The following GIPC2 variants were observed in gnomAD, a reference collection of about 807,000 sequenced individuals.
GIPC2 encodes the protein PDZ domain-containing protein GIPC2.
GIPC2 carries 30 observed loss-of-function variants against 30.6 expected under a neutral mutation model. That is an observed-to-expected ratio of 0.98 (90% CI 0.73 to 1.33). The LOEUF (loss-of-function observed/expected upper bound fraction) is 1.33. GIPC2 is among the 40% of genes most tolerant of loss of function. The pLI, the probability that GIPC2 is intolerant of heterozygous loss-of-function variation, is 0.00. For synonymous variants in GIPC2, 167 were observed against 150.0 expected (o/e 1.11, Z -0.83); for missense variants, 414 against 390.3 (o/e 1.06, Z -0.51).
chr1:78,085,039 G>A (rs933158743), intron 2 of GIPC2, among the ~76,000 whole-genome samples: 1 of 152,054 alleles, frequency 6.6e-6, no homozygotes, highest in African/African-American at 2.4e-5. Flanking sequence ...AATGCTTCTG[G>A]CTTTTTTCCA....
chr1:78,095,277 A>T (rs1397710672), intron 3 of GIPC2, 145 bp downstream of exon 3: 7 of 573,988 alleles, frequency 1.2e-5, no homozygotes, highest in Non-Finnish European at 2.2e-5. Context: ...AGAAAATGGT[A>T]GCACTACTTA....
chr1:78,096,833 G>A (rs902135153), intron 3 of GIPC2, among the ~76,000 whole-genome samples: 1 of 152,198 alleles, frequency 6.6e-6, no homozygotes, highest in African/African-American at 2.4e-5. Flanking sequence ...CTGTTGGTTA[G>A]AACATCCAGA....
intron 1 of GIPC2, among the ~76,000 whole-genome samples, chr1:78,064,593 A>G (rs531526683): frequency 2.0e-5 from 3 of 152,160 alleles, no homozygotes; most frequent in Non-Finnish European, 4.4e-5. Flanking sequence ...GGGATGGGAA[A>G]CAATAAGAGG....
At chr1:78,134,344 A>ATGTG (rs3057093) in intron 5 of GIPC2, among the ~76,000 whole-genome samples, 19 of 148,676 alleles carry the variant, frequency 1.3e-4, no homozygotes, top group African/African-American at 3.2e-4. Context: ...GTGTGTATGT[A>ATGTG]TGTGTGTGTG....
chr1:78,095,413 C>T (rs1437639603), intron 3 of GIPC2, among the ~76,000 whole-genome samples: 1 of 152,174 alleles, frequency 6.6e-6, no homozygotes, highest in Admixed American at 6.5e-5. Flanking sequence ...CTGTTCCTAT[C>T]TCTGAGAACA....
chr1:78,045,457 G>A (rs1328210350), upstream of GIPC2: 15 of 546,200 alleles, frequency 2.7e-5, no homozygotes, highest in Non-Finnish European at 3.5e-5. Flanking sequence ...CTTTGGAGGC[G>A]TGCTGAATGT....
rs1252418060 is a variant in GIPC2 at position 78,123,572 on chromosome 1, T to C, written c.715-2309T>C. ...AAATCCCTTGGTTCCAGGGTATGGG[T>C]TGTTGAGCAGCTTGGATTTGAGAGG... On this transcript the variant is annotated intron_variant, in intron 4 of 5. Coordinates refer to ENST00000370759, the MANE Select transcript of GIPC2 (RefSeq NM_017655.6). Among the ~76,000 whole-genome samples the C allele has an allele frequency of 3.9e-5, 6 of 152,214 alleles. No homozygotes were observed. The East Asian group carries it at 5.8e-4, about 15-fold the overall frequency.
rs1478701492 is a variant in GIPC2, at chr1:78,046,231, C to A, written c.137C>A (p.Ala46Glu). 5 of 1,606,022 alleles carry A rather than the reference C, an allele frequency of 3.1e-6. No homozygotes were observed. The highest frequency in any genetic ancestry group is 3.4e-5 in the Admixed American group (2 of 59,418). ...RAPARRLVFHAQLAHGSATGR... is the reference protein window; with the variant it reads ...RAPARRLVFHEQLAHGSATGR... ...CCCGCACGCAGGCTGGTCTTCCACG[C>A]GCAGCTGGCGCACGGTAGTGCCACG... Residue 46 changes from alanine to glutamate, a missense_variant, in exon 1 of 6, where the codon GCG becomes GAG. Physicochemically the swap from Ala to Glu is moderately radical, Grantham distance 107. Transcript: ENST00000370759.
At chr1:78,064,824 A>G (rs1470880307) in intron 1 of GIPC2, among the ~76,000 whole-genome samples, 3 of 149,400 alleles carry the variant, frequency 2.0e-5, no homozygotes, top group Non-Finnish European at 4.4e-5. Flanking sequence ...GCTCACTGCA[A>G]TCTCTGCCTC....
upstream of GIPC2, chr1:78,045,875 T>C: frequency 1.5e-6 from 2 of 1,323,594 alleles, no homozygotes; most frequent in South Asian, 2.2e-5. Flanking sequence ...CGTAACTTTC[T>C]TTCTCTCCAG....
chr1:78,124,653 C>G (rs756626955), intron 4 of GIPC2, among the ~76,000 whole-genome samples: 5 of 152,148 alleles, frequency 3.3e-5, no homozygotes, highest in African/African-American at 4.8e-5. Flanking sequence ...TAGACTTTGC[C>G]TATCTATTGC....
At chr1:78,060,863 A>T (rs1661379206) in intron 1 of GIPC2, among the ~76,000 whole-genome samples, 1 of 151,622 alleles carries the variant, frequency 6.6e-6, no homozygotes, top group Admixed American at 6.6e-5. Context: ...ATAAACATTC[A>T]TATCTGTGTG....
intron 1 of GIPC2, among the ~76,000 whole-genome samples, chr1:78,051,955 A>C (rs958388873): frequency 6.6e-6 from 1 of 152,070 alleles, no homozygotes; most frequent in African/African-American, 2.4e-5. Flanking sequence ...TCTGAGATAC[A>C]ATTTGTATCT....
At chr1:78,045,922 C>T, upstream of GIPC2, 1 of 1,343,536 alleles carries the variant, frequency 7.4e-7, no homozygotes, top group Middle Eastern at 2.8e-4. Flanking sequence ...CGGGCGGCTG[C>T]TCCGGTCCAG....
At chr1:78,075,479 G>T (rs938622587) in intron 1 of GIPC2, among the ~76,000 whole-genome samples, 2 of 152,072 alleles carry the variant, frequency 1.3e-5, no homozygotes, top group Non-Finnish European at 2.9e-5. Flanking sequence ...GGTAGAGTGG[G>T]CTCCAAATTG....
intron 5 of GIPC2, among the ~76,000 whole-genome samples, chr1:78,128,812 C>G (rs1025943401): frequency 2.0e-5 from 3 of 151,894 alleles, no homozygotes; most frequent in Admixed American, 2.0e-4. Context: ...TGAGATGAGA[C>G]CCTGTCTCTA....
intron 1 of GIPC2, among the ~76,000 whole-genome samples, chr1:78,075,802 G>A (rs931123541): frequency 1.3e-5 from 2 of 152,298 alleles, no homozygotes; most frequent in East Asian, 1.9e-4. Context: ...CTGGAATAGG[G>A]GGATGTGAGT....
chr1:78,076,833 A>G (rs1330640961), intron 1 of GIPC2, among the ~76,000 whole-genome samples: 10 of 152,160 alleles, frequency 6.6e-5, no homozygotes, highest in East Asian at 3.8e-4. Context: ...CAGTGGTGCA[A>G]TCTCGGCTCA....
chr1:78,106,711 G>T lies in GIPC2; in HGVS notation c.607+11579G>T, dbSNP rs145072972. Among the ~76,000 whole-genome samples, 450 of 152,210 alleles carry T rather than the reference G, an allele frequency of 3.0e-3. 1 individual carries two copies. Among genetic ancestry groups the T allele is most frequent in the African/African-American group, 0.01 (435 of 41,536 alleles). ...ATTTATTTATTTGAGACAGAGTTTC[G>T]TTCTTGTTGCCCAGGGTGGAGTGTG... On this transcript the variant is annotated intron_variant, in intron 3 of 5. Coordinates refer to ENST00000370759, the MANE Select transcript of GIPC2 (RefSeq NM_017655.6).
Sources: gnomAD v4.1 joint callset for allele counts (sites outside exome capture counted in the v4.1 genomes callset) on GRCh38, gnomAD v4.1.1 for gene constraint, MANE v1.5 for transcripts, NCBI Gene and HGNC (gene_info 2026-07-23, HGNC 2026-07-21) for gene names.